HEATR1: variants seen among roughly 807,000 people sequenced by gnomAD.
The protein encoded by HEATR1 is HEAT repeat containing 1, also known as HEAT repeat-containing protein 1.
Under a neutral mutation model 248.2 loss-of-function variants are expected in HEATR1, and 77 were observed. The ratio of observed to expected loss-of-function variants is 0.31; its 90% CI spans 0.26 to 0.37. The LOEUF (loss-of-function observed/expected upper bound fraction) is 0.37, where lower values mean the gene tolerates loss of function less well. HEATR1 is among the 10% of genes least tolerant of loss of function. HEATR1 has a pLI of 1.00. For missense variants in HEATR1, 2,420 were observed against 2,504.9 expected, an observed-to-expected ratio of 0.97 and a Z score of 0.72; for synonymous variants, 897 against 923.1, an observed-to-expected ratio of 0.97 and a Z score of 0.51.
At chr1:236,589,478 A>G (rs1229862240) in intron 12 of HEATR1, among the ~76,000 whole-genome samples, 1 of 142,436 alleles carries the variant, frequency 7.0e-6, no homozygotes, top group African/African-American at 2.4e-5. Context: ...TTCTTAAAAT[A>G]TAGATGACAT....
At chr1:236,584,625 TATTAAA>T (rs1301011382) in intron 17 of HEATR1, among the ~76,000 whole-genome samples, 5 of 152,208 alleles carry the variant, frequency 3.3e-5, no homozygotes, top group African/African-American at 1.2e-4. Flanking sequence ...ATCTATGTAA[TATTAAA>T]ATTATTTAAA....
Position 236,550,942 on chromosome 1 carries a change from A to C in HEATR1, c.6395T>G (p.Leu2132Arg). Residue 2132 changes from leucine (L) to arginine (R), a missense_variant, in exon 45 of 45, where the codon CTG becomes CGG. Transcript: ENST00000366582. ...EHQCQKTIQQ[L>R]ETVLGEPLQS... is the part of the protein sequence containing the mutation. ...GAGTGGCTCTCCCAGGACAGTTTCC[A>C]GTTGCTGAATAGTCTTTTGGCACTG... 6.2e-7 allele frequency: 1 copy of C among 1,608,476 alleles called. No individual in the cohort carries two copies. Among genetic ancestry groups the C allele is most frequent in the Non-Finnish European group, 8.5e-7 (1 of 1,177,728 alleles).
chr1:236,587,867 T>C (rs1183742150), intron 13 of HEATR1, 81 bp downstream of exon 13: 2 of 941,050 alleles, frequency 2.1e-6, no homozygotes. Context: ...AAAAATATTC[T>C]AGTCTCAAGC....
Position 236,572,771 on chromosome 1 carries a change from G to T in HEATR1, c.3517C>A (p.Pro1173Thr). 1 of 1,613,984 alleles carries T rather than the reference G, an allele frequency of 6.2e-7. No homozygotes were observed. The highest frequency in any genetic ancestry group is 8.5e-7 in the Non-Finnish European group (1 of 1,179,882). ...CTTTTTTGCTGAACTGTGCCCAAGG[G>T]TTTAGCTTTATCTGGTGGCTCCAGT... ...IELEPPDKAK[P>T]LGTVQQKRRQ... is the part of the protein sequence containing the mutation. The change falls in exon 25 of 45, where the codon CCC becomes ACC. Residue 1173 changes from proline to threonine, a missense_variant. Transcript: ENST00000366582.
At chr1:236,572,584 A>C (rs371389483) in intron 25 of HEATR1, 30 bp from the exon 26 acceptor site, 1 of 1,612,850 alleles carries the variant, frequency 6.2e-7, no homozygotes. Context: ...AAACGTTGGA[A>C]AAGCAAACTC....
chr1:236,560,422 A>G lies in HEATR1; in HGVS notation c.4647-585T>C, dbSNP rs557794230. On this transcript the variant is annotated intron_variant, in intron 33 of 44. Transcript: ENST00000366582. ...CACAGCTGCCACTGGAGATCCCCCC[A>G]CTGCTGCCAGCCTGAGGGGGGAGCT... 2.0e-5 allele frequency among the ~76,000 whole-genome samples: 3 copies of G among 152,244 alleles called. No individual in the cohort carries two copies. The South Asian group carries it at 6.2e-4, about 32-fold the overall frequency.
chr1:236,589,857 C>T (rs1261832518), intron 12 of HEATR1, among the ~76,000 whole-genome samples: 1 of 152,130 alleles, frequency 6.6e-6, no homozygotes, highest in African/African-American at 2.4e-5. Context: ...ACCTCACACC[C>T]ACAATTTGAA....
At chr1:236,570,982 T>C (rs949777929) in intron 28 of HEATR1, among the ~76,000 whole-genome samples, 2 of 152,258 alleles carry the variant, frequency 1.3e-5, no homozygotes, top group Non-Finnish European at 1.5e-5. Context: ...TAAAGGTTAC[T>C]TTGAGGATTA....
chr1:236,550,916 G>C lies in HEATR1; in HGVS notation c.6421C>G (p.Gln2141Glu). ...CACAGAAAGTCTTAGAAATAGCTCT[G>C]GAGTGGCTCTCCCAGGACAGTTTCC... Reference protein sequence around the residue: ...QLETVLGEPLQSYF With the variant: ...QLETVLGEPLESYF The change falls in exon 45 of 45, where the codon CAG becomes GAG. Residue 2141 changes from glutamine to glutamate, a missense_variant. Coordinates refer to ENST00000366582, the MANE Select transcript of HEATR1 (RefSeq NM_018072.6). 1 of 1,605,972 alleles carries C rather than the reference G, an allele frequency of 6.2e-7. No individual in the cohort carries two copies. The highest frequency in any genetic ancestry group is 8.5e-7 in the Non-Finnish European group (1 of 1,176,954).
At position 236,550,019 on chromosome 1, in the gene HEATR1, G is replaced by C. The variant is rs1013784363; in HGVS notation, c.*883C>G. ...GCGAACATTCTACGGGATGTTCTTAGATGCCTTTAAAAAGGGGGCAGATCT... is the reference window on the plus strand; with the variant it reads ...GCGAACATTCTACGGGATGTTCTTACATGCCTTTAAAAAGGGGGCAGATCT... On this transcript the variant is annotated 3_prime_UTR_variant, in exon 45 of 45. Transcript: ENST00000366582. The C allele has an allele frequency of 2.0e-5, 3 of 152,104 alleles. No homozygotes were observed. Among genetic ancestry groups the C allele is most frequent in the African/African-American group, 7.2e-5 (3 of 41,420 alleles). 9.4% of individuals were successfully genotyped at this position (152,104 alleles called of 1,614,324 possible).
chr1:236,584,969 G>C (rs1003936422), intron 17 of HEATR1, 56 bp downstream of exon 17: 3 of 1,466,086 alleles, frequency 2.0e-6, no homozygotes, highest in Non-Finnish European at 2.8e-6. Context: ...GTGACTAATA[G>C]GCCAGGCTGT....
intron 14 of HEATR1, 53 bp downstream of exon 14, chr1:236,587,349 T>A: frequency 1.2e-6 from 1 of 853,360 alleles, no homozygotes; most frequent in South Asian, 2.5e-5. Context: ...AGAAAGAACT[T>A]GATATAAGAA....
At position 236,585,125 on chromosome 1, in the gene HEATR1, C is replaced by T. The variant is rs199564595; in HGVS notation, c.2141G>A (p.Cys714Tyr). The T allele has an allele frequency of 1.9e-4, 307 of 1,614,036 alleles. 5 individuals carry two copies. The South Asian group carries it at 2.9e-3, about 15-fold the overall frequency. The change falls in exon 17 of 45, where the codon TGT becomes TAT. Residue 714 changes from cysteine (C) to tyrosine (Y), a missense_variant. Transcript: ENST00000366582. ...FHVILSVLVS[C>Y]CSSLKETHFP... ...GTGGGTTTCTTTTAAAGATGAACAA[C>T]AAGAGACGAGCACAGACAGGATCAC...
intron 31 of HEATR1, among the ~76,000 whole-genome samples, chr1:236,565,281 G>C (rs1663238766): frequency 6.6e-6 from 1 of 152,188 alleles, no homozygotes; most frequent in Non-Finnish European, 1.5e-5. Context: ...GCTTCGAATT[G>C]TAGAGAACTA....
Position 236,587,437 on chromosome 1 carries a change from G to A in HEATR1, c.1680C>T (p.Leu560=). 3 of 1,538,298 alleles carry A rather than the reference G, an allele frequency of 2.0e-6. No individual in the cohort carries two copies. The highest frequency in any genetic ancestry group is 2.6e-6 in the Non-Finnish European group (3 of 1,136,252). ...SEVTISNLLN[L]FQRAELSKNG... ...TCTTTGAAAGTTCTGCTCTTTGAAA[G>A]AGATTCAGAAGATTTGAAATCGTCA... The change falls in exon 14 of 45, where the codon CTC becomes CTT. Residue 560 remains leucine (L), a synonymous_variant. Coordinates refer to ENST00000366582, the MANE Select transcript of HEATR1 (RefSeq NM_018072.6).
At chr1:236,600,552 T>C (rs952361312) in intron 3 of HEATR1, among the ~76,000 whole-genome samples, 8 of 150,354 alleles carry the variant, frequency 5.3e-5, no homozygotes, top group Non-Finnish European at 8.9e-5. Flanking sequence ...TTTTTTTTTT[T>C]CCAGAGTCTA....
At position 236,588,058 on chromosome 1, in the gene HEATR1, A is replaced by G; in HGVS notation, c.1531-15T>C. On this transcript the variant is annotated splice_polypyrimidine_tract_variant and intron_variant, in intron 12 of 44. Transcript: ENST00000366582. ...TCAACACCCTCCTGAGCAATAAAAG[A>G]AAAACATTAATTTAGCTGTTGCCAA... 6.3e-7 allele frequency: 1 copy of G among 1,594,620 alleles called. No homozygotes were observed. The highest frequency in any genetic ancestry group is 8.6e-7 in the Non-Finnish European group (1 of 1,168,778).
intron 40 of HEATR1, 22 bp downstream of exon 40, chr1:236,555,529 A>G (rs1316823324): frequency 8.1e-6 from 13 of 1,614,012 alleles, no homozygotes; most frequent in Non-Finnish European, 1.1e-5. Context: ...CACAAAAGAG[A>G]GGAAGAGGAA....
chr1:236,559,890 T>C, intron 33 of HEATR1, 53 bp from the exon 34 acceptor site: 2 of 1,534,790 alleles, frequency 1.3e-6, no homozygotes, highest in Non-Finnish European at 1.8e-6. Flanking sequence ...CTCAGAGAAC[T>C]TGTTCATGTC....
Sources: gnomAD v4.1 joint callset for allele counts (sites outside exome capture counted in the v4.1 genomes callset) on GRCh38, gnomAD v4.1.1 for gene constraint, MANE v1.5 for transcripts, NCBI Gene and HGNC (gene_info 2026-07-23, HGNC 2026-07-21) for gene names.